The following TAFA2 variants were observed in gnomAD, a reference collection of about 807,000 sequenced individuals.
The protein encoded by TAFA2 is TAFA chemokine like family member 2.
TAFA2 carries 7 observed loss-of-function variants against 18.8 expected under a neutral mutation model. The observed-to-expected ratio is 0.37, with a 90% CI of 0.21 to 0.70. The LOEUF (loss-of-function observed/expected upper bound fraction) is 0.70. Ranked by LOEUF, TAFA2 falls within the 30% of genes least tolerant of loss-of-function variation. The pLI, the probability that TAFA2 is intolerant of heterozygous loss-of-function variation, is 0.53. For synonymous variants in TAFA2, 60 were observed against 54.2 expected, an observed-to-expected ratio of 1.11 and a Z score of -0.47; for missense variants, 122 against 158.1, an observed-to-expected ratio of 0.77 and a Z score of 1.23.
intron 1 of TAFA2, among the ~76,000 whole-genome samples, chr12:62,045,057 T>C (rs1328237428): frequency 6.6e-6 from 1 of 152,300 alleles, no homozygotes; most frequent in Non-Finnish European, 1.5e-5. Flanking sequence ...GATATAGCAA[T>C]AGCTTTCTTT....
At chr12:62,184,607 C>G (rs4763160) in intron 1 of TAFA2, among the ~76,000 whole-genome samples, 2 of 148,910 alleles carry the variant, frequency 1.3e-5, no homozygotes, top group South Asian at 2.1e-4. Flanking sequence ...GATCCTCCCC[C>G]CTCTCAGCCT....
At chr12:61,949,329 G>C (rs943542828) in intron 1 of TAFA2, among the ~76,000 whole-genome samples, 2 of 151,962 alleles carry the variant, frequency 1.3e-5, no homozygotes, top group Non-Finnish European at 1.5e-5. Flanking sequence ...TTTCAGAATG[G>C]AACTTATACC....
chr12:61,847,670 A>T (rs1175237279), intron 2 of TAFA2, among the ~76,000 whole-genome samples: 1 of 152,220 alleles, frequency 6.6e-6, no homozygotes, highest in Non-Finnish European at 1.5e-5. Context: ...AGGAAAAAAA[A>T]TTTAAAGCAA....
At chr12:61,983,425 T>C (rs1879708362) in intron 1 of TAFA2, among the ~76,000 whole-genome samples, 1 of 151,494 alleles carries the variant, frequency 6.6e-6, no homozygotes, top group African/African-American at 2.4e-5. Flanking sequence ...TTGTTTTGTT[T>C]TGGGACAGAG....
At chr12:62,059,914 A>AT (rs1425304082) in intron 1 of TAFA2, among the ~76,000 whole-genome samples, 1 of 152,162 alleles carries the variant, frequency 6.6e-6, no homozygotes, top group Non-Finnish European at 1.5e-5. Context: ...ATATTAAAAT[A>AT]TTTTTATAAT....
intron 1 of TAFA2, among the ~76,000 whole-genome samples, chr12:62,247,101 C>T (rs2062890374): frequency 6.6e-6 from 1 of 152,064 alleles, no homozygotes; most frequent in African/African-American, 2.4e-5. Context: ...GTTTCCTTGT[C>T]TGCCTTATAT....
chr12:61,819,018 C>A (rs1362073897), intron 2 of TAFA2, among the ~76,000 whole-genome samples: 1 of 152,164 alleles, frequency 6.6e-6, no homozygotes, highest in Non-Finnish European at 1.5e-5. Flanking sequence ...GACTTCCTAA[C>A]CTAGTCCCCA....
intron 1 of TAFA2, among the ~76,000 whole-genome samples, chr12:62,075,900 C>A (rs1408453738): frequency 1.3e-5 from 2 of 152,106 alleles, no homozygotes; most frequent in South Asian, 2.1e-4. Flanking sequence ...TGTTTATAAA[C>A]CTTTTCCAAA....
intron 1 of TAFA2, among the ~76,000 whole-genome samples, chr12:62,082,449 C>T (rs1013504061): frequency 1.3e-5 from 2 of 152,066 alleles, no homozygotes; most frequent in African/African-American, 4.8e-5. Context: ...AATATCACAT[C>T]TTGTTTATCT....
intron 2 of TAFA2, among the ~76,000 whole-genome samples, chr12:61,767,007 C>T (rs1452372048): frequency 6.6e-6 from 1 of 152,046 alleles, no homozygotes; most frequent in Non-Finnish European, 1.5e-5. Context: ...CAGTTAATCT[C>T]ACTAAGTCAC....
chr12:61,892,103 G>A (rs1875661980), intron 1 of TAFA2, among the ~76,000 whole-genome samples: 1 of 151,662 alleles, frequency 6.6e-6, no homozygotes, highest in Non-Finnish European at 1.5e-5. Flanking sequence ...TAGAGAGGAA[G>A]AAAAGTACAC....
intron 1 of TAFA2, among the ~76,000 whole-genome samples, chr12:62,093,674 A>C (rs544739576): frequency 6.6e-6 from 1 of 152,174 alleles, no homozygotes; most frequent in Admixed American, 6.6e-5. Context: ...TCATATGCTC[A>C]GAACATTTTT....
At chr12:61,911,292 T>G (rs1250799210) in intron 1 of TAFA2, among the ~76,000 whole-genome samples, 1 of 152,130 alleles carries the variant, frequency 6.6e-6, no homozygotes, top group Non-Finnish European at 1.5e-5. Context: ...CCCTCTAGTT[T>G]CAGAATCTGG....
intron 1 of TAFA2, among the ~76,000 whole-genome samples, chr12:61,988,528 G>A (rs1879891686): frequency 6.6e-6 from 1 of 152,122 alleles, no homozygotes; most frequent in South Asian, 2.1e-4. Context: ...AAGAAGCAGA[G>A]CACATAATGT....
chr12:61,733,533 C>T (rs1190299922), intron 4 of TAFA2, among the ~76,000 whole-genome samples: 1 of 150,274 alleles, frequency 6.7e-6, no homozygotes, highest in South Asian at 2.1e-4. Context: ...ATAGGGAATC[C>T]TTTCCCCATT....
At chr12:62,025,481 T>C (rs1881282439) in intron 1 of TAFA2, among the ~76,000 whole-genome samples, 1 of 152,162 alleles carries the variant, frequency 6.6e-6, no homozygotes, top group Non-Finnish European at 1.5e-5. Context: ...TTCTGATTTC[T>C]AATGAAAAGC....
chr12:62,035,724 T>A (rs1483431757), intron 1 of TAFA2, among the ~76,000 whole-genome samples: 2 of 141,126 alleles, frequency 1.4e-5, no homozygotes, highest in Non-Finnish European at 1.5e-5. Flanking sequence ...TAGGGGTCAA[T>A]GATTCTTTCT....
At chr12:62,165,932 C>T (rs1265826254) in intron 1 of TAFA2, among the ~76,000 whole-genome samples, 2 of 120,454 alleles carry the variant, frequency 1.7e-5, no homozygotes, top group East Asian at 4.5e-4. Flanking sequence ...CTCTCTCTCT[C>T]TCTCTCTCAC....
rs548425248 is a variant in TAFA2, at chr12:61,739,938, A to T, written c.384+13684T>A. Among the ~76,000 whole-genome samples, 14 of 152,222 alleles carry T rather than the reference A, an allele frequency of 9.2e-5. No individual in the cohort carries two copies. In the East Asian group the frequency reaches 2.7e-3, roughly 30 times the overall value. ...AGAATAAATGCATCTCAGTATATGA[A>T]TCTTAGAAACAGGCTGACCAAATCA... On this transcript the variant is annotated intron_variant, in intron 4 of 4. Transcript: ENST00000416284.
Sources: gnomAD v4.1 joint callset for allele counts (sites outside exome capture counted in the v4.1 genomes callset) on GRCh38, gnomAD v4.1.1 for gene constraint, MANE v1.5 for transcripts, NCBI Gene and HGNC (gene_info 2026-07-23, HGNC 2026-07-21) for gene names.